TTC28: variants seen among roughly 807,000 people sequenced by gnomAD.
TTC28 encodes the protein tetratricopeptide repeat domain 28, also known as tetratricopeptide repeat protein 28.
A neutral mutation model predicts 198.0 loss-of-function variants in TTC28; 61 were observed. That is an observed-to-expected ratio of 0.31 (90% confidence interval 0.25 to 0.38). TTC28 has a LOEUF of 0.38. Among genes scored for constraint, TTC28 ranks in the 10% least tolerant of loss-of-function variants. The pLI is 1.00. For missense variants in TTC28, 2,678 were observed against 3,164.0 expected (o/e 0.85, Z 3.69); for synonymous variants, 1,171 against 1,297.8 (o/e 0.90, Z 2.10).
intron 12 of TTC28, among the ~76,000 whole-genome samples, chr22:28,074,982 C>T (rs1569122369): frequency 6.6e-6 from 1 of 152,050 alleles, no homozygotes; most frequent in Non-Finnish European, 1.5e-5. Context: ...CGTCTGTAAT[C>T]CCAGCTGAGA....
intron 2 of TTC28, among the ~76,000 whole-genome samples, chr22:28,444,678 A>C (rs2047676334): frequency 6.6e-6 from 1 of 152,188 alleles, no homozygotes; most frequent in Admixed American, 6.5e-5. Context: ...ACACAGGTAG[A>C]GCATAGTGGG....
intron 5 of TTC28, among the ~76,000 whole-genome samples, chr22:28,165,640 T>A (rs4464375): frequency 6.6e-6 from 1 of 152,318 alleles, no homozygotes; most frequent in Admixed American, 6.5e-5. Context: ...ACAGATTTTG[T>A]CACCACCAGG....
chr22:28,478,939 T>C (rs2048205178), intron 2 of TTC28, among the ~76,000 whole-genome samples: 1 of 152,180 alleles, frequency 6.6e-6, no homozygotes, highest in Non-Finnish European at 1.5e-5. Flanking sequence ...TAAAATCACC[T>C]TGTTCATTTG....
chr22:28,620,955 G>A (rs990861695), intron 2 of TTC28, among the ~76,000 whole-genome samples: 9 of 152,050 alleles, frequency 5.9e-5, no homozygotes, highest in Non-Finnish European at 1.0e-4. Context: ...GCTCCTTCTG[G>A]CTGCTTTTTG....
chr22:28,428,063 T>C (rs1392916024), intron 2 of TTC28, among the ~76,000 whole-genome samples: 1 of 150,214 alleles, frequency 6.7e-6, no homozygotes, highest in Non-Finnish European at 1.5e-5. Context: ...TTAATATAGG[T>C]ATAATACTCA....
At chr22:28,282,295 C>T (rs1258426822) in intron 5 of TTC28, among the ~76,000 whole-genome samples, 2 of 152,102 alleles carry the variant, frequency 1.3e-5, no homozygotes, top group East Asian at 3.8e-4. Flanking sequence ...AAAAATGATC[C>T]TAATATAAAT....
chr22:28,099,074 T>C (rs1429353395), intron 9 of TTC28, 30 bp from the exon 10 acceptor site: 4 of 1,551,250 alleles, frequency 2.6e-6, no homozygotes, highest in Non-Finnish European at 2.6e-6. Context: ...ACATCATCCA[T>C]TCCCCAGAAA....
At chr22:28,500,817 GGTCA>G (rs2048527404) in intron 2 of TTC28, among the ~76,000 whole-genome samples, 2 of 152,010 alleles carry the variant, frequency 1.3e-5, no homozygotes, top group South Asian at 4.1e-4. Flanking sequence ...ATAAAGATGT[GGTCA>G]GTAATTTCAC....
At chr22:28,563,427 T>C (rs2049922532) in intron 2 of TTC28, among the ~76,000 whole-genome samples, 1 of 152,190 alleles carries the variant, frequency 6.6e-6, no homozygotes, top group Admixed American at 6.5e-5. Context: ...AGAACTGCAG[T>C]GATTTGCTTT....
chr22:28,182,941 GGAC>G (rs1923842879), intron 5 of TTC28, among the ~76,000 whole-genome samples: 2 of 152,044 alleles, frequency 1.3e-5, no homozygotes, highest in Non-Finnish European at 2.9e-5. Context: ...AGGTGAAGTT[GGAC>G]TAGGATCTAC....
intron 5 of TTC28, among the ~76,000 whole-genome samples, chr22:28,205,289 G>C (rs931119629): frequency 6.6e-6 from 1 of 151,990 alleles, no homozygotes; most frequent in Non-Finnish European, 1.5e-5. Flanking sequence ...CCATAGTAAA[G>C]TTAGACATTT....
intron 14 of TTC28, chr22:28,006,561 G>A (rs535206640): frequency 1.3e-5 from 2 of 152,236 alleles, no homozygotes; most frequent in East Asian, 3.9e-4. Context: ...ATCCAGCTCC[G>A]AATTTTAACC....
At chr22:28,504,353 A>G (rs2048574516) in intron 2 of TTC28, among the ~76,000 whole-genome samples, 1 of 152,196 alleles carries the variant, frequency 6.6e-6, no homozygotes, top group African/African-American at 2.4e-5. Context: ...TAGCCTATAT[A>G]GCTATGTGTG....
intron 2 of TTC28, among the ~76,000 whole-genome samples, chr22:28,413,396 C>T (rs2047116594): frequency 6.6e-6 from 1 of 151,996 alleles, no homozygotes; most frequent in Non-Finnish European, 1.5e-5. Context: ...CTAGATTGCG[C>T]GACTGAGCGA....
At chr22:28,507,305 A>G (rs554660542) in intron 2 of TTC28, among the ~76,000 whole-genome samples, 1 of 152,354 alleles carries the variant, frequency 6.6e-6, no homozygotes, top group East Asian at 1.9e-4. Flanking sequence ...AGCCGAGGAA[A>G]GACTCTCAGA....
intron 2 of TTC28, among the ~76,000 whole-genome samples, chr22:28,484,300 T>C (rs922755806): frequency 2.0e-5 from 3 of 151,984 alleles, no homozygotes; most frequent in African/African-American, 7.2e-5. Context: ...TTTATACGGA[T>C]GGGGTCTCAC....
intron 6 of TTC28, among the ~76,000 whole-genome samples, chr22:28,148,635 G>A (rs1391561518): frequency 6.7e-6 from 1 of 149,130 alleles, no homozygotes. Flanking sequence ...AAAAAATCAA[G>A]TTCTAGCTTC....
At chr22:28,141,221 G>A (rs1157215868) in intron 6 of TTC28, among the ~76,000 whole-genome samples, 1 of 152,180 alleles carries the variant, frequency 6.6e-6, no homozygotes, top group Non-Finnish European at 1.5e-5. Context: ...CCAGCTGTCA[G>A]CCTGGCTCCC....
At chr22:28,269,038 C>T (rs1931871184) in intron 5 of TTC28, among the ~76,000 whole-genome samples, 1 of 152,132 alleles carries the variant, frequency 6.6e-6, no homozygotes, top group Non-Finnish European at 1.5e-5. Flanking sequence ...TTGAATACTG[C>T]CAACACCCAG....
Sources: allele counts gnomAD v4.1 joint callset (sites outside exome capture counted in the v4.1 genomes callset), GRCh38; gene constraint gnomAD v4.1.1; transcripts MANE v1.5; gene names NCBI Gene and HGNC (gene_info 2026-07-23, HGNC 2026-07-21).